Variants in CNTNAP5 observed in about 807,000 individuals in gnomAD.
The protein encoded by CNTNAP5 is contactin-associated protein-like 5.
CNTNAP5 carries 72 observed loss-of-function variants against 150.2 expected under a neutral mutation model. The ratio of observed to expected loss-of-function variants is 0.48; its 90% CI spans 0.40 to 0.58. CNTNAP5 has a LOEUF of 0.58. CNTNAP5 is among the 20% of genes least tolerant of loss of function. The pLI is 0.00. For synonymous variants in CNTNAP5, 672 were observed against 619.8 expected (o/e 1.08, Z -1.25); for missense variants, 1,636 against 1,626.2 (o/e 1.01, Z -0.10).
intron 16 of CNTNAP5, among the ~76,000 whole-genome samples, chr2:124,770,316 G>C (rs550181258): frequency 6.6e-6 from 1 of 152,266 alleles, no homozygotes; most frequent in South Asian, 2.1e-4. Context: ...ACAGCAGGGG[G>C]CTGCAGTTTG....
At chr2:124,419,027 G>A (rs1042374877) in intron 4 of CNTNAP5, among the ~76,000 whole-genome samples, 19 of 148,806 alleles carry the variant, frequency 1.3e-4, no homozygotes, top group African/African-American at 3.2e-4. Context: ...CCAGCTACTC[G>A]GGAGGCTGAG....
At chr2:124,375,876 G>C (rs1173147517) in intron 3 of CNTNAP5, among the ~76,000 whole-genome samples, 1 of 152,076 alleles carries the variant, frequency 6.6e-6, no homozygotes, top group Non-Finnish European at 1.5e-5. Context: ...TAGTAACACT[G>C]TTAAACTCAA....
At chr2:124,576,201 T>C (rs149237572) in intron 11 of CNTNAP5, among the ~76,000 whole-genome samples, 57 of 152,180 alleles carry the variant, frequency 3.7e-4, no homozygotes, top group Non-Finnish European at 7.5e-4. Flanking sequence ...GAAAAGGAGA[T>C]AAAATTTTCC....
At chr2:124,730,884 G>T (rs1680256338) in intron 13 of CNTNAP5, among the ~76,000 whole-genome samples, 2 of 152,000 alleles carry the variant, frequency 1.3e-5, no homozygotes, top group Admixed American at 6.6e-5. Context: ...CAGATATGGG[G>T]CTGTGAAATA....
chr2:124,402,600 TG>T (rs757690133), intron 3 of CNTNAP5, among the ~76,000 whole-genome samples: 38 of 152,164 alleles, frequency 2.5e-4, no homozygotes, highest in Non-Finnish European at 3.4e-4. Context: ...GCAAGCAGGG[TG>T]GCAAGTGGTG....
chr2:124,731,363 C>A (rs1184615198), intron 13 of CNTNAP5, among the ~76,000 whole-genome samples: 1 of 146,108 alleles, frequency 6.8e-6, no homozygotes, highest in Non-Finnish European at 1.5e-5. Context: ...TTTTTTTTTT[C>A]TTTTACCGTA....
At chr2:124,629,789 G>GA (rs1191802544) in intron 12 of CNTNAP5, among the ~76,000 whole-genome samples, 3 of 88,452 alleles carry the variant, frequency 3.4e-5, no homozygotes, top group Non-Finnish European at 5.0e-5. Flanking sequence ...TTTTTTTTTT[G>GA]AAAAAACCAA....
intron 13 of CNTNAP5, among the ~76,000 whole-genome samples, chr2:124,707,757 T>C (rs1317752381): frequency 6.6e-6 from 1 of 152,182 alleles, no homozygotes; most frequent in African/African-American, 2.4e-5. Context: ...ATCTCTTCCT[T>C]TATTTTTCTG....
intron 11 of CNTNAP5, among the ~76,000 whole-genome samples, chr2:124,594,949 G>T (rs1242795608): frequency 9.6e-6 from 1 of 104,362 alleles, no homozygotes; most frequent in African/African-American, 3.5e-5. Context: ...GTCTGTTGTT[G>T]GTGTATAGGA....
chr2:124,361,137 C>T (rs964659413), intron 3 of CNTNAP5, among the ~76,000 whole-genome samples: 65 of 147,920 alleles, frequency 4.4e-4, no homozygotes, highest in African/African-American at 1.5e-3. Context: ...ATGTAGTTCT[C>T]GAGCCTTGGG....
chr2:124,879,877 A>T (rs918095523), intron 21 of CNTNAP5, among the ~76,000 whole-genome samples: 2 of 152,104 alleles, frequency 1.3e-5, no homozygotes, highest in Non-Finnish European at 2.9e-5. Flanking sequence ...AGTAAAAAGG[A>T]TCCAAGCTAA....
chr2:124,912,765 A>G (rs1044012020), intron 23 of CNTNAP5, among the ~76,000 whole-genome samples: 3 of 152,062 alleles, frequency 2.0e-5, no homozygotes, highest in African/African-American at 7.2e-5. Context: ...CTTTAAGGAC[A>G]GGGAAGTCAT....
chr2:124,056,189 G>A (rs1573721981), intron 1 of CNTNAP5, among the ~76,000 whole-genome samples: 2 of 152,088 alleles, frequency 1.3e-5, no homozygotes, highest in Admixed American at 6.6e-5. Context: ...ATACAAGTTC[G>A]CTGATTATTT....
chr2:124,864,007 T>C (rs1212492731), intron 19 of CNTNAP5, among the ~76,000 whole-genome samples: 1 of 152,100 alleles, frequency 6.6e-6, no homozygotes, highest in Non-Finnish European at 1.5e-5. Context: ...GGGACTCCAG[T>C]GACTCCAGAC....
intron 3 of CNTNAP5, among the ~76,000 whole-genome samples, chr2:124,391,756 C>T (rs1287011982): frequency 6.6e-6 from 1 of 152,122 alleles, no homozygotes; most frequent in East Asian, 1.9e-4. Flanking sequence ...GAGATCGAGA[C>T]CATCCTGGCT....
intron 1 of CNTNAP5, among the ~76,000 whole-genome samples, chr2:124,169,283 G>A (rs1027769939): frequency 2.0e-5 from 3 of 152,200 alleles, no homozygotes; most frequent in Middle Eastern, 3.4e-3. Flanking sequence ...GCTCGGGGAT[G>A]TTGGACATGA....
intron 19 of CNTNAP5, among the ~76,000 whole-genome samples, chr2:124,838,684 T>A (rs1175599684): frequency 1.3e-5 from 2 of 152,138 alleles, no homozygotes; most frequent in African/African-American, 2.4e-5. Flanking sequence ...GCTCTTCACT[T>A]CTCTCCAAAA....
At chr2:124,550,685 G>C (rs1041031420) in intron 10 of CNTNAP5, among the ~76,000 whole-genome samples, 3 of 152,142 alleles carry the variant, frequency 2.0e-5, no homozygotes, top group African/African-American at 4.8e-5. Context: ...TGTCAATTGC[G>C]TGGTGGACTT....
chr2:124,152,951 A>T (rs1005716763), intron 1 of CNTNAP5, among the ~76,000 whole-genome samples: 1 of 152,198 alleles, frequency 6.6e-6, no homozygotes, highest in South Asian at 2.1e-4. Flanking sequence ...GTGCGGCTCC[A>T]TACAGAATCC....
Sources: allele counts gnomAD v4.1 joint callset (sites outside exome capture counted in the v4.1 genomes callset), GRCh38; gene constraint gnomAD v4.1.1; transcripts MANE v1.5; gene names NCBI Gene and HGNC (gene_info 2026-07-23, HGNC 2026-07-21).